Variants in TRPC5 observed in about 807,000 individuals in gnomAD.
The protein encoded by TRPC5 is transient receptor potential cation channel subfamily C member 5, also known as short transient receptor potential channel 5.
A neutral mutation model predicts 56.5 loss-of-function variants in TRPC5; 9 were observed. The observed-to-expected ratio is 0.16, with a 90% CI of 0.10 to 0.28. TRPC5 has a LOEUF of 0.28. Ranked by LOEUF, TRPC5 falls within the 10% of genes least tolerant of loss-of-function variation. The pLI, the probability that TRPC5 is intolerant of heterozygous loss-of-function variation, is 1.00. For missense variants in TRPC5, 469 were observed against 748.9 expected, an observed-to-expected ratio of 0.63 and a Z score of 4.36; for synonymous variants, 282 against 278.5, an observed-to-expected ratio of 1.01 and a Z score of -0.13.
intron 7 of TRPC5, among the ~76,000 whole-genome samples, chrX:111,807,114 A>G (rs1267103756): frequency 9.0e-6 from 1 of 111,381 alleles, no homozygotes; most frequent in Non-Finnish European, 1.9e-5. Context: ...ATATATTTCT[A>G]TAGGTTTGGG....
At chrX:111,803,973 T>C (rs1213763299) in intron 7 of TRPC5, among the ~76,000 whole-genome samples, 1 of 112,443 alleles carries the variant, frequency 8.9e-6, no homozygotes, top group African/African-American at 3.2e-5. Context: ...CTAGAGTTTT[T>C]ATGGTTTTAG....
intron 2 of TRPC5, among the ~76,000 whole-genome samples, chrX:111,935,496 T>C (rs1926543975): frequency 8.9e-6 from 1 of 112,098 alleles, no homozygotes. Flanking sequence ...TGTCTACTGT[T>C]GTTTTAGTTC....
chrX:111,932,845 A>T lies in TRPC5; in HGVS notation c.378+19198T>A, dbSNP rs371256409. Among the ~76,000 whole-genome samples the T allele has an allele frequency of 1.1e-4, 12 of 111,944 alleles. No homozygotes were observed. In the East Asian group the frequency reaches 2.8e-3, roughly 26 times the overall value. On this transcript the variant is annotated intron_variant, in intron 2 of 10. Coordinates refer to ENST00000262839, the MANE Select transcript of TRPC5 (RefSeq NM_012471.3). Reference sequence around the variant, plus strand: ...AGTGAAATATCCAGGGCCTTCCTCCATGAGGCTAATCTCATGAGGGTAACA... The same window carrying T: ...AGTGAAATATCCAGGGCCTTCCTCCTTGAGGCTAATCTCATGAGGGTAACA...
chrX:112,040,239 T>C (rs1929857535), intron 1 of TRPC5, among the ~76,000 whole-genome samples: 1 of 112,320 alleles, frequency 8.9e-6, no homozygotes, highest in African/African-American at 3.2e-5. Flanking sequence ...AATTGATGTG[T>C]TCGTACATGA....
chrX:112,030,436 C>T (rs994014456), intron 1 of TRPC5, among the ~76,000 whole-genome samples: 3 of 112,360 alleles, frequency 2.7e-5, no homozygotes, highest in African/African-American at 9.7e-5. Flanking sequence ...ATCGCTATAG[C>T]ATTCCGAATC....
In TRPC5 at chrX:112,067,571, C is replaced by T. The variant is rs770596115; in HGVS notation, c.-22+14308G>A. 6.3e-5 allele frequency among the ~76,000 whole-genome samples: 7 copies of T among 111,487 alleles called. No individual in the cohort carries two copies. In the South Asian group the frequency reaches 2.7e-3, roughly 42 times the overall value. On this transcript the variant is annotated intron_variant, in intron 1 of 10. Coordinates refer to ENST00000262839, the MANE Select transcript of TRPC5 (RefSeq NM_012471.3). ...CTACCCTAGGTTGGTGGCAGGACTT[C>T]CGTATCTGTCTGGAGGCTACAGCTG...
intron 2 of TRPC5, among the ~76,000 whole-genome samples, chrX:111,917,676 T>C (rs1434428813): frequency 8.9e-6 from 1 of 112,448 alleles, no homozygotes; most frequent in Non-Finnish European, 1.9e-5. Context: ...GCAATAGTAG[T>C]TGAAACCAAG....
At position 111,933,034 on chromosome X, in the gene TRPC5, A is replaced by G. The variant is rs777498355; in HGVS notation, c.378+19009T>C. Reference sequence around the variant, plus strand: ...GCTCAAAGACTATTTATTTTCTGAAACGTTCCTCACTTGAACTGCCCTATC... The same window carrying G: ...GCTCAAAGACTATTTATTTTCTGAAGCGTTCCTCACTTGAACTGCCCTATC... On this transcript the variant is annotated intron_variant, in intron 2 of 10. Coordinates refer to ENST00000262839, the MANE Select transcript of TRPC5 (RefSeq NM_012471.3). Among the ~76,000 whole-genome samples, 3 of 111,980 alleles carry G rather than the reference A, an allele frequency of 2.7e-5. No homozygotes were observed. In the Admixed American group the frequency reaches 2.8e-4, roughly 11 times the overall value.
At chrX:112,047,668 A>T (rs1930084375) in intron 1 of TRPC5, among the ~76,000 whole-genome samples, 1 of 112,216 alleles carries the variant, frequency 8.9e-6, no homozygotes, top group Admixed American at 9.4e-5. Context: ...CCTCCAGCAG[A>T]ATGGTAAAGA....
In TRPC5 at chrX:112,044,356, C is replaced by A. The variant is rs59712403; in HGVS notation, c.-22+37523G>T. ...GTATATATCATTCTTACATGAGGGA[C>A]AATAATTAGAAAAGACAATTATCAT... is the stretch of plus-strand genomic sequence containing the variant. On this transcript the variant is annotated intron_variant, in intron 1 of 10. Transcript: ENST00000262839. Among the ~76,000 whole-genome samples, 740 of 111,249 alleles carry A rather than the reference C, an allele frequency of 6.7e-3. 3 individuals are homozygous for A. The highest frequency in any genetic ancestry group is 0.023 in the African/African-American group (692 of 30,652).
chrX:111,999,408 G>A (rs1055833609), intron 1 of TRPC5, among the ~76,000 whole-genome samples: 3 of 110,938 alleles, frequency 2.7e-5, no homozygotes, highest in Non-Finnish European at 5.7e-5. Flanking sequence ...TTAACATAAT[G>A]CCCTCCAGTT....
At chrX:111,999,927 C>G (rs1433109807) in intron 1 of TRPC5, among the ~76,000 whole-genome samples, 1 of 111,705 alleles carries the variant, frequency 9.0e-6, no homozygotes, top group Non-Finnish European at 1.9e-5. Flanking sequence ...GATCGCACCA[C>G]TGCACTCCAG....
At chrX:112,078,182 T>C (rs1251953196) in intron 1 of TRPC5, among the ~76,000 whole-genome samples, 2 of 111,919 alleles carry the variant, frequency 1.8e-5, no homozygotes, top group Non-Finnish European at 3.8e-5. Context: ...ACACATATAA[T>C]GTTTTCTTAG....
intron 1 of TRPC5, among the ~76,000 whole-genome samples, chrX:111,980,928 C>A (rs898333125): frequency 3.9e-5 from 4 of 103,715 alleles, no homozygotes; most frequent in Non-Finnish European, 7.8e-5. Context: ...TATATATACA[C>A]ACACACACAC....
At chrX:111,990,781 A>G (rs148916048) in intron 1 of TRPC5, among the ~76,000 whole-genome samples, 1,940 of 112,068 alleles carry the variant, frequency 0.017, 18 homozygotes, top group Middle Eastern at 0.032. Flanking sequence ...CAGATGGCCT[A>G]CTACAGAGAG....
At chrX:112,047,664 G>A (rs1184187266) in intron 1 of TRPC5, among the ~76,000 whole-genome samples, 3 of 112,126 alleles carry the variant, frequency 2.7e-5, no homozygotes, top group African/African-American at 9.7e-5. Flanking sequence ...TCATCCTCCA[G>A]CAGAATGGTA....
chrX:112,033,763 A>G (rs1034118173), intron 1 of TRPC5, among the ~76,000 whole-genome samples: 15 of 111,744 alleles, frequency 1.3e-4, no homozygotes, highest in African/African-American at 4.9e-4. Context: ...TCTCAGCACC[A>G]TTTGTTGAAA....
intron 3 of TRPC5, among the ~76,000 whole-genome samples, chrX:111,872,067 C>T (rs889985811): frequency 1.8e-5 from 2 of 112,416 alleles, no homozygotes; most frequent in African/African-American, 6.5e-5. Context: ...TGTTGTGACA[C>T]AGCACAAATG....
chrX:111,985,637 T>C (rs968940436), intron 1 of TRPC5, among the ~76,000 whole-genome samples: 17 of 112,014 alleles, frequency 1.5e-4, no homozygotes, highest in African/African-American at 5.5e-4. Flanking sequence ...AGAAAATTGA[T>C]TGACTATCTG....
Sources: allele counts gnomAD v4.1 joint callset (sites outside exome capture counted in the v4.1 genomes callset), GRCh38; gene constraint gnomAD v4.1.1; transcripts MANE v1.5; gene names NCBI Gene and HGNC (gene_info 2026-07-23, HGNC 2026-07-21).